The following PDE6D variants were observed in gnomAD, a reference collection of about 807,000 sequenced individuals.
PDE6D encodes the protein phosphodiesterase 6D.
A neutral mutation model predicts 21.9 loss-of-function variants in PDE6D; 10 were observed. The ratio of observed to expected loss-of-function variants is 0.46; its 90% CI spans 0.28 to 0.78. PDE6D has a LOEUF of 0.78. Among genes scored for constraint, PDE6D ranks in the 30% least tolerant of loss-of-function variants. The pLI, the probability that PDE6D is intolerant of heterozygous loss-of-function variation, is 0.12. For synonymous variants in PDE6D, 59 were observed against 63.5 expected (o/e 0.93, Z 0.34); for missense variants, 139 against 184.8 (o/e 0.75, Z 1.44).
intron 1 of PDE6D, among the ~76,000 whole-genome samples, chr2:231,740,990 T>G (rs956597352): frequency 5.3e-5 from 8 of 150,946 alleles, no homozygotes; most frequent in Non-Finnish European, 1.0e-4. Flanking sequence ...AACACAAAAT[T>G]AGCCAGACGT....
chr2:231,739,027 C>A lies in PDE6D; in HGVS notation c.139+73G>T. 4 of 824,372 alleles carry A rather than the reference C, an allele frequency of 4.9e-6. No individual in the cohort carries two copies. The highest frequency in any genetic ancestry group is 1.9e-5 in the Admixed American group (1 of 51,996). The allele number at this position is 824,372 out of a possible 1,614,324, so 51.1% of individuals were successfully genotyped here. On this transcript the variant is annotated intron_variant, in intron 2 of 4. Transcript: ENST00000287600. The surrounding 1 kb of genome is among the most constrained non-coding windows in gnomAD (Gnocchi z 4.2). ...CACCCGCCTATTAGGTATGTGTTAA[C>A]TTAGCTCTCTTATGCTCAGGTGCTA... is the stretch of plus-strand genomic sequence containing the variant.
intron 4 of PDE6D, among the ~76,000 whole-genome samples, 153 bp from the exon 5 acceptor site, chr2:231,733,186 T>C (rs538559288): frequency 6.6e-6 from 1 of 152,272 alleles, no homozygotes; most frequent in South Asian, 2.1e-4. Context: ...TCCTTGTCTA[T>C]ATGGGGCTAC....
rs2048732008 is a variant in PDE6D at position 231,739,657 on chromosome 2, A to G, written c.51-469T>C. 6.6e-6 allele frequency among the ~76,000 whole-genome samples: 1 copy of G among 150,938 alleles called. No homozygotes were observed. Among genetic ancestry groups the G allele is most frequent in the Non-Finnish European group, 1.5e-5 (1 of 67,810 alleles). On this transcript the variant is annotated intron_variant, in intron 1 of 4. Transcript: ENST00000287600. This position sits in a 1 kb window ranked among gnomAD's most constrained non-coding sequence, Gnocchi z 4.2. Reference sequence around the variant, plus strand: ...CCTCTGTTTTTTTTTTTTGAAACAGAGTCTCACTCTGTCACACAGGCTGGA... The same window carrying G: ...CCTCTGTTTTTTTTTTTTGAAACAGGGTCTCACTCTGTCACACAGGCTGGA...
intron 1 of PDE6D, among the ~76,000 whole-genome samples, chr2:231,751,763 A>C (rs1371417683): frequency 1.3e-5 from 2 of 152,190 alleles, no homozygotes; most frequent in African/African-American, 2.4e-5. Context: ...TCACATCAAT[A>C]TCAAGGATAC....
chr2:231,780,477 C>A (rs1421945976), intron 1 of PDE6D, among the ~76,000 whole-genome samples: 1 of 152,194 alleles, frequency 6.6e-6, no homozygotes, highest in Non-Finnish European at 1.5e-5. Flanking sequence ...CCCAACTACT[C>A]CAGTCCTGGA....
At chr2:231,778,881 G>A (rs1331187748) in intron 1 of PDE6D, 1 of 152,204 alleles carries the variant, frequency 6.6e-6, no homozygotes, top group East Asian at 1.9e-4. Flanking sequence ...GGAAAACTGA[G>A]TACTATCAAC....
At chr2:231,740,274 T>C (rs1201286659) in intron 1 of PDE6D, among the ~76,000 whole-genome samples, 1 of 152,068 alleles carries the variant, frequency 6.6e-6, no homozygotes, top group Admixed American at 6.6e-5. Context: ...AAAAAGAATA[T>C]TCAGAGAACA....
chr2:231,772,700 C>T (rs921614121), intron 1 of PDE6D, among the ~76,000 whole-genome samples: 1 of 152,080 alleles, frequency 6.6e-6, no homozygotes, highest in African/African-American at 2.4e-5. Context: ...CTAGTAAGAA[C>T]CTAGAGCTTC....
chr2:231,780,717 C>A (rs907293964), intron 1 of PDE6D, among the ~76,000 whole-genome samples: 78 of 152,180 alleles, frequency 5.1e-4, no homozygotes, highest in Non-Finnish European at 9.6e-4. Flanking sequence ...CGGGCCGCAG[C>A]CCCATCCCGG....
chr2:231,760,552 C>T (rs2048917579), intron 1 of PDE6D, among the ~76,000 whole-genome samples: 1 of 152,118 alleles, frequency 6.6e-6, no homozygotes, highest in African/African-American at 2.4e-5. Flanking sequence ...ATTCTAACAT[C>T]TGTGATTTTT....
rs140736152 is a variant in PDE6D, at chr2:231,772,628, C to T, written c.50+8437G>A. ...CTATAAGTCAAATCCTCTCATAACA[C>T]GAGGATTTGTGGATGCAGAATGCTG... On this transcript the variant is annotated intron_variant, in intron 1 of 4. Coordinates refer to ENST00000287600, the MANE Select transcript of PDE6D (RefSeq NM_002601.4). Among the ~76,000 whole-genome samples the T allele has an allele frequency of 1.5e-4, 23 of 152,236 alleles. No individual in the cohort carries two copies. In the East Asian group the frequency reaches 3.3e-3, roughly 22 times the overall value.
At chr2:231,775,179 G>GT (rs756380508) in intron 1 of PDE6D, among the ~76,000 whole-genome samples, 2 of 152,224 alleles carry the variant, frequency 1.3e-5, no homozygotes, top group Non-Finnish European at 2.9e-5. Context: ...CTCCCAAAGT[G>GT]TTGGGATTAC....
chr2:231,739,199 A>G lies in PDE6D; in HGVS notation c.51-11T>C. 6.4e-7 allele frequency: 1 copy of G among 1,565,414 alleles called. No homozygotes were observed. The highest frequency in any genetic ancestry group is 8.8e-7 in the Non-Finnish European group (1 of 1,135,776). ...AGGTTCATCCAATTTCTGATCAAAT[A>G]TGACTAAGGAAAAATAAGGCACTGA... On this transcript the variant is annotated splice_polypyrimidine_tract_variant and intron_variant, in intron 1 of 4. Coordinates refer to ENST00000287600, the MANE Select transcript of PDE6D (RefSeq NM_002601.4). This position sits in a 1 kb window ranked among gnomAD's most constrained non-coding sequence, Gnocchi z 4.2.
intron 1 of PDE6D, among the ~76,000 whole-genome samples, chr2:231,748,377 A>C (rs2048811116): frequency 1.3e-5 from 2 of 152,166 alleles, no homozygotes; most frequent in Non-Finnish European, 2.9e-5. Context: ...GTTTTCTGGA[A>C]CTTTGAACTT....
In PDE6D at chr2:231,739,280, T is replaced by C. The variant is rs747252296; in HGVS notation, c.51-92A>G. The C allele has an allele frequency of 2.4e-6, 2 of 828,692 alleles. No individual in the cohort carries two copies. Among genetic ancestry groups the C allele is most frequent in the South Asian group, 1.3e-5 (1 of 75,202 alleles). The allele number at this position is 828,692 out of a possible 1,614,324, so 51.3% of individuals were successfully genotyped here. ...TCATGTTTACTCCCACCAACTCTTG[T>C]TTACTTTTTAAAAAGTTTGTCAAAC... On this transcript the variant is annotated intron_variant, in intron 1 of 4. Coordinates refer to ENST00000287600, the MANE Select transcript of PDE6D (RefSeq NM_002601.4). The surrounding 1 kb of genome is among the most constrained non-coding windows in gnomAD (Gnocchi z 4.2).
In PDE6D at chr2:231,739,158, T is replaced by C. The variant is rs760048680; in HGVS notation, c.81A>G (p.Thr27=). Residue 27 remains threonine (T), a synonymous_variant, in exon 2 of 5, where the codon ACA becomes ACG. Coordinates refer to ENST00000287600, the MANE Select transcript of PDE6D (RefSeq NM_002601.4). This position sits in a 1 kb window ranked among gnomAD's most constrained non-coding sequence, Gnocchi z 4.2. ...CTGTTCCTTGCCAGAGTATCTTCCCTGTCTCAGCATCCCGAAGGTTCATCC... is the reference window on the plus strand; with the variant it reads ...CTGTTCCTTGCCAGAGTATCTTCCCCGTCTCAGCATCCCGAAGGTTCATCC... ...LNWMNLRDAE[T]GKILWQGTED... 1.2e-6 allele frequency: 2 copies of C among 1,612,912 alleles called. No individual in the cohort carries two copies. Among genetic ancestry groups the C allele is most frequent in the Non-Finnish European group, 1.7e-6 (2 of 1,178,914 alleles).
At chr2:231,765,646 A>G (rs2048965320) in intron 1 of PDE6D, among the ~76,000 whole-genome samples, 1 of 152,214 alleles carries the variant, frequency 6.6e-6, no homozygotes, top group Non-Finnish European at 1.5e-5. Flanking sequence ...TCACAGGCAT[A>G]AAGAAAAACC....
chr2:231,743,760 TC>T (rs1280181600), intron 1 of PDE6D, among the ~76,000 whole-genome samples: 1 of 152,160 alleles, frequency 6.6e-6, no homozygotes, highest in Non-Finnish European at 1.5e-5. Flanking sequence ...TTCACATACT[TC>T]CTTAGGTCAT....
intron 4 of PDE6D, among the ~76,000 whole-genome samples, chr2:231,736,867 G>C (rs2048706230): frequency 6.6e-6 from 1 of 152,296 alleles, no homozygotes; most frequent in Middle Eastern, 3.4e-3. Flanking sequence ...TCTGTGTTTA[G>C]AGATGAAAGA....
Sources: allele counts gnomAD v4.1 joint callset (sites outside exome capture counted in the v4.1 genomes callset), GRCh38; gene constraint gnomAD v4.1.1; non-coding constraint Gnocchi (gnomAD v3.1); transcripts MANE v1.5; gene names NCBI Gene and HGNC (gene_info 2026-07-23, HGNC 2026-07-21).